Variants in NUP62CL observed in about 807,000 individuals in gnomAD.
The protein encoded by NUP62CL is nucleoporin 62 C-terminal like.
In NUP62CL, 13 loss-of-function variants were observed where a neutral mutation model predicts 15.3. The ratio of observed to expected loss-of-function variants is 0.85; its 90% confidence interval spans 0.55 to 1.35. The LOEUF (loss-of-function observed/expected upper bound fraction) is 1.35. Among genes scored for constraint, NUP62CL ranks in the 40% most tolerant of loss-of-function variants. NUP62CL has a pLI of 0.00. For missense variants in NUP62CL, 123 were observed against 130.6 expected (o/e 0.94, Z 0.28); for synonymous variants, 54 against 49.2 (o/e 1.10, Z -0.41).
At chrX:107,191,576 C>T (rs976505854) in intron 2 of NUP62CL, among the ~76,000 whole-genome samples, 1 of 110,182 alleles carries the variant, frequency 9.1e-6, no homozygotes, top group Non-Finnish European at 1.9e-5. Flanking sequence ...GGCACAGTAG[C>T]GCATGCCTGT....
chrX:107,192,428 G>A (rs939254979), intron 2 of NUP62CL, among the ~76,000 whole-genome samples: 5 of 111,999 alleles, frequency 4.5e-5, no homozygotes, highest in Non-Finnish European at 9.4e-5. Context: ...CACCCAGGCT[G>A]GAGTGCAGTG....
chrX:107,126,637 T>G lies in NUP62CL; in HGVS notation c.*43-2305A>C, dbSNP rs1370127049. Among the ~76,000 whole-genome samples, 5 of 112,210 alleles carry G rather than the reference T, an allele frequency of 4.5e-5. No homozygotes were observed. In the East Asian group the frequency reaches 1.4e-3, roughly 31 times the overall value. On this transcript the variant is annotated intron_variant, in intron 8 of 8. Coordinates refer to ENST00000372466, the MANE Select transcript of NUP62CL (RefSeq NM_017681.3). ...AACAAATGGCTCTGGGACAACTGGA[T>G]ATCTACATCCAAATGAAATCAAACC... is the stretch of plus-strand genomic sequence containing the variant.
At chrX:107,138,882 TA>T (rs1925703097) in intron 8 of NUP62CL, among the ~76,000 whole-genome samples, 1 of 112,164 alleles carries the variant, frequency 8.9e-6, no homozygotes, top group Non-Finnish European at 1.9e-5. Context: ...CATAATGTCC[TA>T]AAACTGGAAA....
intron 4 of NUP62CL, among the ~76,000 whole-genome samples, chrX:107,158,970 TAC>T (rs1480196654): frequency 4.5e-5 from 2 of 44,668 alleles, no homozygotes; most frequent in Admixed American, 2.9e-4. Context: ...CCCACAGAAA[TAC>T]AAACTACCAT....
intron 3 of NUP62CL, 56 bp downstream of exon 3, chrX:107,175,033 T>C: frequency 1.1e-6 from 1 of 921,175 alleles, no homozygotes; most frequent in Non-Finnish European, 1.6e-6. Context: ...ACTGGCAAAC[T>C]GAGTAAGGTG....
At chrX:107,172,767 TG>T (rs1461147612) in intron 3 of NUP62CL, among the ~76,000 whole-genome samples, 2 of 112,353 alleles carry the variant, frequency 1.8e-5, no homozygotes, top group African/African-American at 6.5e-5. Context: ...TTAAGTTTGA[TG>T]GTTGGCAAGA....
chrX:107,199,614 C>T (rs1297336118), intron 1 of NUP62CL, among the ~76,000 whole-genome samples: 2 of 111,974 alleles, frequency 1.8e-5, no homozygotes, highest in African/African-American at 3.2e-5. Flanking sequence ...TTCCCTAAAC[C>T]GCCTAGTTAT....
chrX:107,162,105 C>G (rs1438999221), intron 4 of NUP62CL, among the ~76,000 whole-genome samples: 1 of 110,516 alleles, frequency 9.0e-6, no homozygotes, highest in African/African-American at 3.3e-5. Flanking sequence ...ACAAGCTCAC[C>G]TAAGGAATTT....
intron 7 of NUP62CL, among the ~76,000 whole-genome samples, chrX:107,149,238 T>C (rs1925954379): frequency 8.9e-6 from 1 of 112,290 alleles, no homozygotes; most frequent in South Asian, 3.7e-4. Flanking sequence ...ACAGAGAAAC[T>C]AGAAATCAAC....
intron 4 of NUP62CL, among the ~76,000 whole-genome samples, chrX:107,160,454 C>T (rs1213795003): frequency 9.3e-6 from 1 of 107,164 alleles, no homozygotes; most frequent in Non-Finnish European, 1.9e-5. Flanking sequence ...TGGAACAGAA[C>T]AGAGCCCTCA....
At chrX:107,188,420 A>G (rs1927123382) in intron 2 of NUP62CL, among the ~76,000 whole-genome samples, 1 of 108,880 alleles carries the variant, frequency 9.2e-6, no homozygotes, top group Non-Finnish European at 1.9e-5. Flanking sequence ...CATGGTAAAA[A>G]CTCCCCCCCA....
In NUP62CL at chrX:107,137,032, C is replaced by A. The variant is rs1158005257; in HGVS notation, c.*42+10711G>T. The stretch of plus-strand genomic sequence containing the variant: ...TGAGCCAAGTTTGCACCATTGCACT[C>A]CAGCCTGGGCAACAAGAGTGAAACT... On this transcript the variant is annotated intron_variant, in intron 8 of 8. Transcript: ENST00000372466. 2.7e-5 allele frequency among the ~76,000 whole-genome samples: 3 copies of A among 111,606 alleles called. No individual in the cohort carries two copies. In the East Asian group the frequency reaches 8.4e-4, roughly 31 times the overall value.
At chrX:107,170,186 A>G (rs755336541) in intron 3 of NUP62CL, among the ~76,000 whole-genome samples, 1 of 111,035 alleles carries the variant, frequency 9.0e-6, no homozygotes, top group Admixed American at 9.6e-5. Flanking sequence ...ACTTAAGAGG[A>G]AACAGCAAAT....
At chrX:107,128,904 G>A (rs1340798785) in intron 8 of NUP62CL, among the ~76,000 whole-genome samples, 3 of 111,857 alleles carry the variant, frequency 2.7e-5, no homozygotes, top group Non-Finnish European at 5.6e-5. Context: ...GGGAACTAGT[G>A]AAGGGTTTTA....
chrX:107,136,095 A>G (rs1171302424), intron 8 of NUP62CL, among the ~76,000 whole-genome samples: 1 of 111,292 alleles, frequency 9.0e-6, no homozygotes, highest in African/African-American at 3.3e-5. Context: ...GTTGTTATCA[A>G]TGAAATTGCA....
intron 8 of NUP62CL, 72 bp downstream of exon 8, chrX:107,147,671 G>T: frequency 1.6e-6 from 1 of 632,025 alleles, no homozygotes; most frequent in Non-Finnish European, 2.7e-6. Context: ...TGGTCATGGA[G>T]CATACAACTG....
At chrX:107,141,820 G>T (rs1438040575) in intron 8 of NUP62CL, among the ~76,000 whole-genome samples, 1 of 110,378 alleles carries the variant, frequency 9.1e-6, no homozygotes, top group Non-Finnish European at 1.9e-5. Flanking sequence ...CACACTTTGG[G>T]AGGCCGAGGC....
rs762646317 is a variant in NUP62CL, at chrX:107,125,301, G to A, written c.*43-969C>T. On this transcript the variant is annotated intron_variant, in intron 8 of 8. Coordinates refer to ENST00000372466, the MANE Select transcript of NUP62CL (RefSeq NM_017681.3). ...ATAATACATATAACATGCAAAATACGTGTTAATTGACTATGTTAGTGGTAA... is the reference window on the plus strand; with the variant it reads ...ATAATACATATAACATGCAAAATACATGTTAATTGACTATGTTAGTGGTAA... Among the ~76,000 whole-genome samples, 7 of 111,342 alleles carry A rather than the reference G, an allele frequency of 6.3e-5. No homozygotes were observed. The East Asian group carries it at 2.0e-3, about 31-fold the overall frequency.
intron 8 of NUP62CL, among the ~76,000 whole-genome samples, chrX:107,139,502 C>T (rs960042447): frequency 5.4e-5 from 6 of 111,909 alleles, no homozygotes; most frequent in African/African-American, 1.3e-4. Context: ...AAAAGACCAA[C>T]GCACACAAAT....
Sources: gnomAD v4.1 joint callset for allele counts (sites outside exome capture counted in the v4.1 genomes callset) on GRCh38, gnomAD v4.1.1 for gene constraint, MANE v1.5 for transcripts, NCBI Gene and HGNC (gene_info 2026-07-23, HGNC 2026-07-21) for gene names.